The following DCLK2 variants were observed in gnomAD, a reference collection of about 807,000 sequenced individuals.
The protein encoded by DCLK2 is doublecortin like kinase 2, also known as serine/threonine-protein kinase DCLK2.
DCLK2 carries 31 observed loss-of-function variants against 78.4 expected under a neutral mutation model. That is an observed-to-expected ratio of 0.40 (90% CI 0.30 to 0.53). The LOEUF (loss-of-function observed/expected upper bound fraction) is 0.53. Among genes scored for constraint, DCLK2 ranks in the 20% least tolerant of loss-of-function variants. The pLI, the probability that DCLK2 is intolerant of heterozygous loss-of-function variation, is 0.61. For synonymous variants in DCLK2, 407 were observed against 374.9 expected, an observed-to-expected ratio of 1.09 and a Z score of -0.99; for missense variants, 872 against 973.7, an observed-to-expected ratio of 0.90 and a Z score of 1.39.
At chr4:150,206,685 TG>T (rs1349075247) in intron 5 of DCLK2, among the ~76,000 whole-genome samples, 7 of 152,238 alleles carry the variant, frequency 4.6e-5, no homozygotes, top group Admixed American at 1.3e-4. Flanking sequence ...ACTTCAATGC[TG>T]TTGTAAAACA....
In DCLK2 at chr4:150,079,186, C is replaced by T; in HGVS notation, c.159C>T (p.His53=). ...TCCCCAGTCCGGCGCACAGTGCCCA[C>T]TGCAGCTTCTACCGCACGCGGACCC... ...GLIPSPAHSA[H]CSFYRTRTLQ... Residue 53 remains histidine, a synonymous_variant, in exon 1 of 16, where the codon CAC becomes CAT. Coordinates refer to ENST00000296550, the MANE Select transcript of DCLK2 (RefSeq NM_001040260.4). 1.9e-6 allele frequency: 3 copies of T among 1,611,516 alleles called. No homozygotes were observed. The highest frequency in any genetic ancestry group is 2.5e-6 in the Non-Finnish European group (3 of 1,178,922).
intron 2 of DCLK2, among the ~76,000 whole-genome samples, chr4:150,182,629 A>G (rs748645983): frequency 4.6e-5 from 7 of 152,152 alleles, no homozygotes; most frequent in Non-Finnish European, 7.3e-5. Flanking sequence ...CTGCTTGCTT[A>G]CATGATAGAA....
At chr4:150,246,127 C>T (rs1215539212) in intron 12 of DCLK2, among the ~76,000 whole-genome samples, 1 of 151,776 alleles carries the variant, frequency 6.6e-6, no homozygotes, top group Non-Finnish European at 1.5e-5. Flanking sequence ...TCACTGCAAC[C>T]TCCGCCTCCC....
chr4:150,224,574 C>T lies in DCLK2; in HGVS notation c.1299+16C>T, dbSNP rs200209121. ...TTGTGGAAAGGTATAGTATGCATAA[C>T]CCCTAGTTCTGAAAGAAACTAGAGT... On this transcript the variant is annotated intron_variant, in intron 8 of 15. Transcript: ENST00000296550. 480 of 1,594,914 alleles carry T rather than the reference C, an allele frequency of 3.0e-4. 4 individuals are homozygous for T. The African/African-American group carries it at 6.0e-3, about 20-fold the overall frequency.
In DCLK2 at chr4:150,248,297, A is replaced by C; in HGVS notation, c.1876-8A>C. On this transcript the variant is annotated splice_polypyrimidine_tract_variant and splice_region_variant and intron_variant, in intron 13 of 15. Coordinates refer to ENST00000296550, the MANE Select transcript of DCLK2 (RefSeq NM_001040260.4). ...CCTCTGTGGTCTGACTTGTTTGTTT[A>C]TTTGTAGGAATTAATCAGTCAAATG... 6.2e-7 allele frequency: 1 copy of C among 1,613,022 alleles called. No individual in the cohort carries two copies. Among genetic ancestry groups the C allele is most frequent in the Non-Finnish European group, 8.5e-7 (1 of 1,179,250 alleles).
In DCLK2 at chr4:150,185,291, G is replaced by A. The variant is rs145493401; in HGVS notation, c.757-7847G>A. On this transcript the variant is annotated intron_variant, in intron 2 of 15. Coordinates refer to ENST00000296550, the MANE Select transcript of DCLK2 (RefSeq NM_001040260.4). Reference sequence around the variant, plus strand: ...CTCCCTATCACAAGAAGAGCACAGGGGGACCACCCCCATGATCTAATTACC... The same window carrying A: ...CTCCCTATCACAAGAAGAGCACAGGAGGACCACCCCCATGATCTAATTACC... 5.5e-4 allele frequency among the ~76,000 whole-genome samples: 84 copies of A among 152,240 alleles called. No homozygotes were observed. In the East Asian group the frequency reaches 0.012, roughly 21 times the overall value.
rs531047528 is a variant in DCLK2 at position 150,249,748 on chromosome 4, A to G, written c.2073+64A>G. The G allele has an allele frequency of 7.8e-5, 102 of 1,314,862 alleles. 1 individual carries two copies. The Middle Eastern group carries it at 1.0e-3, about 13-fold the overall frequency. 81.4% of individuals were successfully genotyped at this position (1,314,862 alleles called of 1,614,324 possible). On this transcript the variant is annotated intron_variant, in intron 15 of 15. Transcript: ENST00000296550. ...CGGCCTTGAAGTTTTTGAATTAGGT[A>G]GCCGGGAGCTGCCCTCACATGGAAG...
chr4:150,081,856 G>C (rs1376000317), intron 1 of DCLK2, among the ~76,000 whole-genome samples: 1 of 151,246 alleles, frequency 6.6e-6, no homozygotes, highest in Non-Finnish European at 1.5e-5. Flanking sequence ...AAATTAGCCG[G>C]GTGTGGCGGC....
intron 1 of DCLK2, among the ~76,000 whole-genome samples, chr4:150,081,765 G>A (rs1019497687): frequency 6.6e-6 from 1 of 151,454 alleles, no homozygotes; most frequent in East Asian, 1.9e-4. Flanking sequence ...ACTGAGGTGG[G>A]TGGATCACCT....
At chr4:150,192,928 G>A (rs1432719845) in intron 2 of DCLK2, among the ~76,000 whole-genome samples, 1 of 152,198 alleles carries the variant, frequency 6.6e-6, no homozygotes, top group African/African-American at 2.4e-5. Flanking sequence ...ATTGATGCAT[G>A]TCATGAATCC....
chr4:150,096,365 T>A (rs1730461928), intron 1 of DCLK2, among the ~76,000 whole-genome samples: 1 of 152,208 alleles, frequency 6.6e-6, no homozygotes, highest in African/African-American at 2.4e-5. Flanking sequence ...ATGTGAGATA[T>A]TCATAGATAT....
At chr4:150,190,308 C>A (rs1368254405) in intron 2 of DCLK2, among the ~76,000 whole-genome samples, 1 of 151,478 alleles carries the variant, frequency 6.6e-6, no homozygotes, top group Non-Finnish European at 1.5e-5. Flanking sequence ...GGCAGACAGA[C>A]AGACAGACGG....
intron 2 of DCLK2, among the ~76,000 whole-genome samples, chr4:150,147,572 C>T (rs1485940059): frequency 6.6e-6 from 1 of 152,182 alleles, no homozygotes; most frequent in Non-Finnish European, 1.5e-5. Context: ...TGGTTTTTGA[C>T]CCTGACCTAA....
chr4:150,119,772 A>AT (rs1177444061), intron 2 of DCLK2, among the ~76,000 whole-genome samples: 2 of 151,936 alleles, frequency 1.3e-5, no homozygotes, highest in African/African-American at 2.4e-5. Flanking sequence ...AAAGAAGAAA[A>AT]TTTTTTTTAG....
intron 2 of DCLK2, among the ~76,000 whole-genome samples, chr4:150,112,532 C>T (rs1008990842): frequency 3.9e-5 from 6 of 152,138 alleles, no homozygotes; most frequent in Non-Finnish European, 5.9e-5. Flanking sequence ...CAAGTTTTCT[C>T]CATTCAGTAT....
At chr4:150,170,299 T>C (rs28625200) in intron 2 of DCLK2, among the ~76,000 whole-genome samples, 5,018 of 152,222 alleles carry the variant, frequency 0.033, 263 homozygotes, top group African/African-American at 0.11. Context: ...CCACCTCAGC[T>C]TCCCAAAGTT....
chr4:150,228,553 C>A (rs1741789597), intron 8 of DCLK2, among the ~76,000 whole-genome samples: 1 of 152,146 alleles, frequency 6.6e-6, no homozygotes. Flanking sequence ...GACCAGCACA[C>A]AAACAGTTGA....
At chr4:150,104,270 TC>T (rs1490735136) in intron 2 of DCLK2, among the ~76,000 whole-genome samples, 2 of 151,396 alleles carry the variant, frequency 1.3e-5, no homozygotes, top group African/African-American at 2.4e-5. Context: ...CTCCTATAGT[TC>T]CAGCTACTTG....
At chr4:150,178,955 C>G (rs2150277846) in intron 2 of DCLK2, among the ~76,000 whole-genome samples, 1 of 152,262 alleles carries the variant, frequency 6.6e-6, no homozygotes, top group East Asian at 1.9e-4. Context: ...CAAGATACAT[C>G]TTGTCTTTTG....
Sources: allele counts gnomAD v4.1 joint callset (sites outside exome capture counted in the v4.1 genomes callset), GRCh38; gene constraint gnomAD v4.1.1; transcripts MANE v1.5; gene names NCBI Gene and HGNC (gene_info 2026-07-23, HGNC 2026-07-21).